The following CENPP variants were observed in gnomAD, a reference collection of about 807,000 sequenced individuals.
CENPP encodes the protein centromere protein P.
Under a neutral mutation model 35.6 loss-of-function variants are expected in CENPP, and 24 were observed. That is an observed-to-expected ratio of 0.67 (90% CI 0.49 to 0.95). The LOEUF is 0.95. Among genes scored for constraint, CENPP ranks in the 40% least tolerant of loss-of-function variants. CENPP has a pLI of 0.00. For synonymous variants in CENPP, 120 were observed against 125.5 expected (o/e 0.96, Z 0.29); for missense variants, 332 against 345.3 (o/e 0.96, Z 0.31).
At chr9:92,587,019 G>A (rs1260510780) in intron 5 of CENPP, among the ~76,000 whole-genome samples, 1 of 151,852 alleles carries the variant, frequency 6.6e-6, no homozygotes, top group Admixed American at 6.6e-5. Context: ...GGGGGCACAT[G>A]GGAATGACAG....
At chr9:92,601,279 A>T (rs1488140477) in intron 5 of CENPP, among the ~76,000 whole-genome samples, 1 of 152,208 alleles carries the variant, frequency 6.6e-6, no homozygotes, top group African/African-American at 2.4e-5. Flanking sequence ...TGTAATCAAA[A>T]GATTTAAAAG....
intron 5 of CENPP, among the ~76,000 whole-genome samples, chr9:92,458,290 G>A (rs535978251): frequency 1.3e-5 from 2 of 152,246 alleles, no homozygotes; most frequent in African/African-American, 4.8e-5. Flanking sequence ...GGAAATAAAA[G>A]CAATCTACTT....
In CENPP at chr9:92,619,753, C is replaced by G; in HGVS notation, c.*6604C>G. On this transcript the variant is annotated 3_prime_UTR_variant, in exon 8 of 8. Transcript: ENST00000375587. ...CCCTGTGAGAGCACCTGGGCCAGCC[C>G]TCAGTGCCACGGGGCTGCTCAGAGG... is the stretch of plus-strand genomic sequence containing the variant. 3.3e-6 allele frequency: 2 copies of G among 613,294 alleles called. No homozygotes were observed. Among genetic ancestry groups the G allele is most frequent in the Non-Finnish European group, 5.9e-6 (2 of 337,726 alleles). 38.0% of individuals were successfully genotyped at this position (613,294 alleles called of 1,614,324 possible).
intron 4 of CENPP, among the ~76,000 whole-genome samples, chr9:92,350,870 C>G (rs950267625): frequency 4.6e-5 from 7 of 152,080 alleles, no homozygotes; most frequent in Non-Finnish European, 8.8e-5. Flanking sequence ...AGGCTGGTCT[C>G]AAACTCCTAG....
chr9:92,612,872 A>G (rs2281888), intron 7 of CENPP, 147 bp from the exon 8 acceptor site: 301,267 of 979,290 alleles, frequency 0.31, 51,433 homozygotes, highest in East Asian at 0.63. Context: ...CACTCACTCC[A>G]TCTCCTCGCC....
intron 5 of CENPP, among the ~76,000 whole-genome samples, chr9:92,395,632 G>A (rs1165613953): frequency 6.6e-6 from 1 of 152,312 alleles, no homozygotes; most frequent in East Asian, 1.9e-4. Context: ...CCTACCAGCA[G>A]CATATGAGAG....
At chr9:92,359,514 A>G (rs1012180474) in intron 4 of CENPP, among the ~76,000 whole-genome samples, 1 of 152,072 alleles carries the variant, frequency 6.6e-6, no homozygotes, top group Admixed American at 6.6e-5. Flanking sequence ...GGTATGTGCA[A>G]TCTCTTACAG....
chr9:92,341,941 C>T (rs1452453899), intron 3 of CENPP, among the ~76,000 whole-genome samples: 1 of 152,234 alleles, frequency 6.6e-6, no homozygotes, highest in Admixed American at 6.5e-5. Flanking sequence ...GAATTAGAGT[C>T]AGTTGAGCTG....
At chr9:92,607,285 C>T (rs1384177447) in intron 5 of CENPP, among the ~76,000 whole-genome samples, 7 of 152,134 alleles carry the variant, frequency 4.6e-5, no homozygotes, top group African/African-American at 7.2e-5. Flanking sequence ...TTTTATGCCA[C>T]GGTGTAACCT....
At chr9:92,523,455 A>T (rs1423831634) in intron 5 of CENPP, among the ~76,000 whole-genome samples, 1 of 152,122 alleles carries the variant, frequency 6.6e-6, no homozygotes, top group Non-Finnish European at 1.5e-5. Flanking sequence ...GCCCTGTGGC[A>T]ACAAAGGAAG....
chr9:92,596,445 C>CAAAAAAAAAAAAAAAAAAAAAAAAAAAA (rs60383394), intron 5 of CENPP, among the ~76,000 whole-genome samples: 1 of 72,004 alleles, frequency 1.4e-5, no homozygotes, highest in African/African-American at 5.7e-5. Flanking sequence ...GACCCTGTGT[C>CAAAAAAAAAAAAAAAAAAAAAAAAAAAA]AAAAAAAAAA....
chr9:92,601,895 C>T (rs1013716249), intron 5 of CENPP, among the ~76,000 whole-genome samples: 1 of 152,218 alleles, frequency 6.6e-6, no homozygotes, highest in Non-Finnish European at 1.5e-5. Flanking sequence ...CTGCAAGTGG[C>T]TCATGCACCT....
At chr9:92,502,769 C>G in intron 5 of CENPP, 1 of 763,578 alleles carries the variant, frequency 1.3e-6, no homozygotes, top group Non-Finnish European at 1.9e-6. Flanking sequence ...AAGAGTCTTA[C>G]TGCTCTTTCA....
chr9:92,411,528 C>G (rs527557808), intron 5 of CENPP, among the ~76,000 whole-genome samples: 1 of 152,070 alleles, frequency 6.6e-6, no homozygotes, highest in Non-Finnish European at 1.5e-5. Context: ...CTCCTGGGCT[C>G]AAAGGATCAG....
chr9:92,366,177 CAAAAAAA>C (rs79052877), intron 4 of CENPP, among the ~76,000 whole-genome samples: 45 of 52,080 alleles, frequency 8.6e-4, no homozygotes, highest in Admixed American at 2.6e-3. Context: ...GACTCCGTCT[CAAAAAAA>C]AAAAAAAAAA....
intron 5 of CENPP, among the ~76,000 whole-genome samples, chr9:92,522,020 A>G (rs1270918183): frequency 6.6e-6 from 1 of 152,178 alleles, no homozygotes; most frequent in African/African-American, 2.4e-5. Context: ...ATTTTTGTCT[A>G]ATAATTATAA....
intron 5 of CENPP, among the ~76,000 whole-genome samples, chr9:92,469,614 A>T (rs1588154803): frequency 6.6e-6 from 1 of 152,260 alleles, no homozygotes; most frequent in African/African-American, 2.4e-5. Flanking sequence ...TCTAGAGATG[A>T]CAGACTTTAA....
At chr9:92,501,517 T>C (rs1199833775) in intron 5 of CENPP, among the ~76,000 whole-genome samples, 4 of 152,200 alleles carry the variant, frequency 2.6e-5, no homozygotes, top group African/African-American at 9.7e-5. Flanking sequence ...CACATTTGAT[T>C]TGATGACCTG....
At chr9:92,579,725 T>C (rs550797085) in intron 5 of CENPP, among the ~76,000 whole-genome samples, 3 of 139,404 alleles carry the variant, frequency 2.2e-5, no homozygotes, top group African/African-American at 8.8e-5. Flanking sequence ...GTTTTCTAGA[T>C]ATACAATCAT....
Sources: gnomAD v4.1 joint callset for allele counts (sites outside exome capture counted in the v4.1 genomes callset) on GRCh38, gnomAD v4.1.1 for gene constraint, MANE v1.5 for transcripts, NCBI Gene and HGNC (gene_info 2026-07-23, HGNC 2026-07-21) for gene names.